ABCA10: variants seen among roughly 807,000 people sequenced by gnomAD.
ABCA10 encodes ATP binding cassette subfamily A member 10.
In ABCA10, 169 loss-of-function variants were observed where a neutral mutation model predicts 187.5. That is an observed-to-expected ratio of 0.90 (90% CI 0.80 to 1.02). The LOEUF is 1.02. ABCA10 is among the 50% of genes least tolerant of loss of function. ABCA10 has a pLI of 0.00. For synonymous variants in ABCA10, 574 were observed against 601.8 expected, an observed-to-expected ratio of 0.95 and a Z score of 0.68; for missense variants, 1,727 against 1,812.4, an observed-to-expected ratio of 0.95 and a Z score of 0.86.
intron 9 of ABCA10, among the ~76,000 whole-genome samples, chr17:69,207,284 G>A (rs775051734): frequency 6.6e-6 from 1 of 152,148 alleles, no homozygotes; most frequent in Non-Finnish European, 1.5e-5. Flanking sequence ...CCTTGCCACT[G>A]TTGGTGAAAA....
Position 69,155,034 on chromosome 17 carries a change from A to G in ABCA10, c.3679T>C (p.Phe1227Leu). 6.3e-7 allele frequency: 1 copy of G among 1,595,908 alleles called. No homozygotes were observed. Among genetic ancestry groups the G allele is most frequent in the Non-Finnish European group, 8.6e-7 (1 of 1,165,084 alleles). Residue 1227 changes from phenylalanine (F) to leucine (L), a missense_variant, in exon 30 of 39, where the codon TTT (phenylalanine) becomes CTT (leucine). Transcript: ENST00000690296. Reference protein sequence around the residue: ...KKKIAIRNVSFCVKKGEVLGL... With the variant: ...KKKIAIRNVSLCVKKGEVLGL... ...TTGTTCAAACCTTTTTTAACACAAA[A>G]GGAAACATTTCTGATGGCTATTTTC... is the stretch of plus-strand genomic sequence containing the variant.
At chr17:69,231,593 A>G (rs994424403), upstream of ABCA10, among the ~76,000 whole-genome samples, 2 of 151,808 alleles carry the variant, frequency 1.3e-5, no homozygotes, top group African/African-American at 4.8e-5. Context: ...TCCTCCTGTT[A>G]TTGATTTCTA....
intron 25 of ABCA10, among the ~76,000 whole-genome samples, chr17:69,171,331 T>G (rs963517466): frequency 6.6e-6 from 1 of 152,118 alleles, no homozygotes; most frequent in African/African-American, 2.4e-5. Context: ...CAAAAAGAGT[T>G]TTGGAAAACA....
chr17:69,150,296 T>C (rs1598082086), intron 36 of ABCA10: 1 of 403,660 alleles, frequency 2.5e-6, no homozygotes, highest in African/African-American at 2.0e-5. Context: ...TAGCTCTGAT[T>C]AAGAATCTTT....
At chr17:69,241,416 A>G (rs1216962803) in intron 1 of ABCA10, among the ~76,000 whole-genome samples, 1 of 152,190 alleles carries the variant, frequency 6.6e-6, no homozygotes, top group East Asian at 1.9e-4. Flanking sequence ...CACAGCAGCT[A>G]AACTGTTCCT....
At chr17:69,219,825 G>A in intron 5 of ABCA10, 54 bp from the exon 6 acceptor site, 1 of 1,207,742 alleles carries the variant, frequency 8.3e-7, no homozygotes. Flanking sequence ...AAATATATTA[G>A]AAAACTATAC....
chr17:69,187,768 C>T lies in ABCA10; in HGVS notation c.2243G>A (p.Ser748Asn). The T allele has an allele frequency of 3.1e-6, 5 of 1,613,962 alleles. No homozygotes were observed. The highest frequency in any genetic ancestry group is 4.2e-6 in the Non-Finnish European group (5 of 1,179,828). ...GATTTGTCGTCTCCAGAGAGCTGCA[C>T]TACTGACAGCCTTTCTTGTTTCAGG... The part of the protein sequence containing the change: ...SLPETRKAVS[S>N]AALWRRQIYA... The change falls in exon 19 of 39, where the codon AGT becomes AAT. Residue 748 changes from serine to asparagine, a missense_variant. Ser to Asn is a conservative substitution (Grantham distance 46). Transcript: ENST00000690296.
At chr17:69,178,007 A>ATATAT (rs1747830410) in intron 22 of ABCA10, among the ~76,000 whole-genome samples, 3 of 139,162 alleles carry the variant, frequency 2.2e-5, no homozygotes, top group African/African-American at 7.7e-5. Context: ...ATATATATAT[A>ATATAT]GTGAAATAAT....
intron 9 of ABCA10, among the ~76,000 whole-genome samples, chr17:69,212,291 G>C (rs530051211): frequency 6.6e-6 from 1 of 152,190 alleles, no homozygotes; most frequent in Non-Finnish European, 1.5e-5. Flanking sequence ...TGGTTCTGAG[G>C]GCTCCTTTTG....
chr17:69,189,532 C>G (rs894377292), intron 18 of ABCA10, among the ~76,000 whole-genome samples: 2 of 152,136 alleles, frequency 1.3e-5, no homozygotes, highest in Non-Finnish European at 2.9e-5. Flanking sequence ...TTAATTAGGT[C>G]TCACTTGTCA....
At chr17:69,206,390 T>C (rs1011789) in intron 9 of ABCA10, among the ~76,000 whole-genome samples, 101,986 of 151,980 alleles carry the variant, frequency 0.67, 34,904 homozygotes, top group African/African-American at 0.76. Context: ...TAACTTGAAA[T>C]GACTATCTAC....
In ABCA10 at chr17:69,219,719, T is replaced by A; in HGVS notation, c.356A>T (p.Asn119Ile). 6.2e-7 allele frequency: 1 copy of A among 1,609,480 alleles called. No homozygotes were observed. The highest frequency in any genetic ancestry group is 1.1e-5 in the South Asian group (1 of 89,372). The change falls in exon 6 of 39, where the codon AAT (asparagine) becomes ATT (isoleucine). Residue 119 changes from asparagine to isoleucine, a missense_variant. Coordinates refer to ENST00000690296, the MANE Select transcript of ABCA10 (RefSeq NM_001377321.1). ...MEELTSVIGI[N>I]MKIPPFISKG... ...AGAAATGAAAGGTGGTATCTTCATA[T>A]TTATTCCAATAACTGATGTCAACTC...
At chr17:69,152,313 CTCTCTA>C in intron 35 of ABCA10, 43 bp downstream of exon 35, 2 of 1,587,416 alleles carry the variant, frequency 1.3e-6, no homozygotes, top group East Asian at 2.2e-5. Flanking sequence ...AACTGAAACT[CTCTCTA>C]TAAGAACATG....
At chr17:69,169,005 T>A (rs1185054580) in intron 25 of ABCA10, among the ~76,000 whole-genome samples, 1 of 152,220 alleles carries the variant, frequency 6.6e-6, no homozygotes, top group Non-Finnish European at 1.5e-5. Flanking sequence ...AGGATAATAA[T>A]TCCTATTGAG....
chr17:69,235,991 A>G (rs2074867715), intron 1 of ABCA10, among the ~76,000 whole-genome samples: 1 of 152,140 alleles, frequency 6.6e-6, no homozygotes, highest in African/African-American at 2.4e-5. Flanking sequence ...TTCAGTTCTC[A>G]ACTTTTGTCT....
chr17:69,187,650 C>A, intron 19 of ABCA10, 31 bp downstream of exon 19: 2 of 1,592,500 alleles, frequency 1.3e-6, no homozygotes, highest in Non-Finnish European at 1.7e-6. Flanking sequence ...CATATACTGA[C>A]CAAATAGATA....
At chr17:69,243,064 T>C (rs193236591) in intron 1 of ABCA10, among the ~76,000 whole-genome samples, 12 of 152,304 alleles carry the variant, frequency 7.9e-5, no homozygotes, top group African/African-American at 2.6e-4. Context: ...TCAGTCCCAA[T>C]TGTTAACTGA....
chr17:69,235,808 CTTAATT>C (rs1476761438), intron 1 of ABCA10, among the ~76,000 whole-genome samples: 1 of 151,976 alleles, frequency 6.6e-6, no homozygotes, highest in African/African-American at 2.4e-5. Flanking sequence ...AAAACAAAAC[CTTAATT>C]TTAAAGTTAG....
In ABCA10 at chr17:69,219,600, T is replaced by C; in HGVS notation, c.475A>G (p.Arg159Gly). 6.2e-7 allele frequency: 1 copy of C among 1,609,364 alleles called. No individual in the cohort carries two copies. Among genetic ancestry groups the C allele is most frequent in the Non-Finnish European group, 8.5e-7 (1 of 1,178,326 alleles). The change falls in exon 6 of 39, where the codon AGA (arginine) becomes GGA (glycine). Residue 159 changes from arginine to glycine, a missense_variant. Arg to Gly is a moderately radical substitution (Grantham distance 125, BLOSUM62 -2). Coordinates refer to ENST00000690296, the MANE Select transcript of ABCA10 (RefSeq NM_001377321.1). ...GTCATCAGTTTCTTAAATTTTCCTC[T>C]TTCCCTTGCAACATTTAATGATGCA... ...YFASLNVARE[R>G]GKFKKLMTVM...
Sources: gnomAD v4.1 joint callset for allele counts (sites outside exome capture counted in the v4.1 genomes callset) on GRCh38, gnomAD v4.1.1 for gene constraint, MANE v1.5 for transcripts, NCBI Gene and HGNC (gene_info 2026-07-23, HGNC 2026-07-21) for gene names.